Variants in DENND6A observed in about 807,000 individuals in gnomAD.
DENND6A encodes the protein protein DENND6A.
DENND6A carries 43 observed loss-of-function variants against 95.5 expected under a neutral mutation model. The ratio of observed to expected loss-of-function variants is 0.45; its 90% CI spans 0.35 to 0.58. The LOEUF (loss-of-function observed/expected upper bound fraction) is 0.58. Ranked by LOEUF, DENND6A falls within the 20% of genes least tolerant of loss-of-function variation. DENND6A has a pLI of 0.00. For synonymous variants in DENND6A, 257 were observed against 260.4 expected (o/e 0.99, Z 0.13); for missense variants, 574 against 736.0 (o/e 0.78, Z 2.55).
chr3:57,629,271 C>G (rs1448852115), intron 18 of DENND6A, among the ~76,000 whole-genome samples: 1 of 152,132 alleles, frequency 6.6e-6, no homozygotes, highest in East Asian at 1.9e-4. Context: ...ACTGGATGTA[C>G]ACTTCGTGTT....
chr3:57,656,237 T>C (rs1459557452), intron 9 of DENND6A, among the ~76,000 whole-genome samples: 1 of 152,206 alleles, frequency 6.6e-6, no homozygotes, highest in Non-Finnish European at 1.5e-5. Flanking sequence ...CCCTATAGTT[T>C]TATCTTTTCC....
At position 57,627,958 on chromosome 3, in the gene DENND6A, C is replaced by T. The variant is rs2070568397; in HGVS notation, c.*256G>A. The T allele has an allele frequency of 2.7e-6, 1 of 365,776 alleles. No homozygotes were observed. The highest frequency in any genetic ancestry group is 2.1e-5 in the African/African-American group (1 of 48,482). 22.7% of individuals were successfully genotyped at this position (365,776 alleles called of 1,614,324 possible). ...GGCCCACAAGTCTCTCATAAGAGCA[C>T]TTTAGAACATGATTAAAAATATAGA... is the stretch of plus-strand genomic sequence containing the variant. On this transcript the variant is annotated 3_prime_UTR_variant, in exon 20 of 20. Coordinates refer to ENST00000311128, the MANE Select transcript of DENND6A (RefSeq NM_152678.3).
chr3:57,634,051 A>T (rs62258965), intron 14 of DENND6A, among the ~76,000 whole-genome samples: 24,625 of 152,116 alleles, frequency 0.16, 2,674 homozygotes, highest in East Asian at 0.48. Context: ...TTCTAGAAAG[A>T]CTGACACTCA....
At chr3:57,641,860 C>A in intron 11 of DENND6A, 113 bp from the exon 12 acceptor site, 1 of 745,510 alleles carries the variant, frequency 1.3e-6, no homozygotes, top group Non-Finnish European at 2.1e-6. Context: ...TTGATTTTTC[C>A]TTTATTCAAC....
chr3:57,631,067 A>T, intron 15 of DENND6A, 89 bp from the exon 16 acceptor site: 1 of 1,191,120 alleles, frequency 8.4e-7, no homozygotes, highest in Non-Finnish European at 1.2e-6. Flanking sequence ...TTAAGTTTTT[A>T]ATCATATGCC....
intron 15 of DENND6A, among the ~76,000 whole-genome samples, chr3:57,631,783 C>T (rs924455838): frequency 2.3e-5 from 3 of 131,680 alleles, no homozygotes; most frequent in African/African-American, 8.9e-5. Flanking sequence ...ACTGCAGTGG[C>T]GCTATCCCGG....
intron 1 of DENND6A, among the ~76,000 whole-genome samples, chr3:57,688,052 G>A (rs1033682644): frequency 1.3e-5 from 2 of 151,694 alleles, no homozygotes; most frequent in Admixed American, 1.3e-4. Flanking sequence ...CAGGACTACA[G>A]TGGTATGATC....
intron 11 of DENND6A, among the ~76,000 whole-genome samples, chr3:57,644,362 G>T (rs2071020161): frequency 6.6e-6 from 1 of 151,930 alleles, no homozygotes; most frequent in Non-Finnish European, 1.5e-5. Context: ...CTGGAGTCCA[G>T]TGGCACGATC....
intron 9 of DENND6A, among the ~76,000 whole-genome samples, chr3:57,653,744 TAAA>T (rs553856616): frequency 5.9e-5 from 5 of 84,708 alleles, no homozygotes; most frequent in African/African-American, 1.4e-4. Context: ...AGACTCCATC[TAAA>T]AAAAAAAAAA....
intron 4 of DENND6A, among the ~76,000 whole-genome samples, chr3:57,664,471 A>G (rs184989746): frequency 6.6e-6 from 1 of 152,334 alleles, no homozygotes; most frequent in East Asian, 1.9e-4. Context: ...GTGATGTGTT[A>G]GAGAAGATAA....
chr3:57,632,688 C>G (rs2070712227), intron 15 of DENND6A, among the ~76,000 whole-genome samples: 1 of 152,138 alleles, frequency 6.6e-6, no homozygotes, highest in Non-Finnish European at 1.5e-5. Flanking sequence ...GTTTCCAGAG[C>G]AGGGCCACAT....
At chr3:57,667,060 G>A (rs906162297) in intron 3 of DENND6A, among the ~76,000 whole-genome samples, 2 of 152,104 alleles carry the variant, frequency 1.3e-5, no homozygotes, top group Admixed American at 6.6e-5. Flanking sequence ...ACAGAGTCTC[G>A]CTCTGTTGCC....
intron 12 of DENND6A, among the ~76,000 whole-genome samples, chr3:57,636,757 G>C (rs1006639413): frequency 6.6e-6 from 1 of 151,742 alleles, no homozygotes; most frequent in Non-Finnish European, 1.5e-5. Context: ...GCCAACATGG[G>C]GAAGCCCTGT....
intron 4 of DENND6A, chr3:57,665,879 C>A: frequency 2.8e-6 from 1 of 358,610 alleles, no homozygotes. Flanking sequence ...AAGAAAATTA[C>A]CTCAACATTC....
chr3:57,658,872 C>T (rs1553741921), intron 8 of DENND6A, among the ~76,000 whole-genome samples: 1 of 152,092 alleles, frequency 6.6e-6, no homozygotes, highest in Non-Finnish European at 1.5e-5. Context: ...ATTCACTTTC[C>T]CCTTTTCCTC....
At chr3:57,688,742 C>T (rs543769242) in intron 1 of DENND6A, among the ~76,000 whole-genome samples, 1 of 152,022 alleles carries the variant, frequency 6.6e-6, no homozygotes, top group Non-Finnish European at 1.5e-5. Context: ...CCCACAGGTT[C>T]ATCCTTGCTT....
At chr3:57,641,821 A>G in intron 11 of DENND6A, 74 bp from the exon 12 acceptor site, 1 of 1,306,532 alleles carries the variant, frequency 7.7e-7, no homozygotes. Flanking sequence ...AGAATAGTTT[A>G]CTTTTTTTTT....
chr3:57,661,453 C>A lies in DENND6A; in HGVS notation c.612G>T (p.Leu204Phe). ...PEYFEKNEPY[L>F]EAACNDVDRW... ...GGTATATGTTAAACTTACCTGCTTC[C>A]AAATAAGGTTCATTCTTTTCAAAAT... Residue 204 changes from leucine to phenylalanine, a missense_variant, in exon 6 of 20, where the codon TTG becomes TTT. Around this residue, in one of 2 missense-constraint regions of DENND6A, gnomAD observed 452 missense variants for 630.9 expected, o/e 0.72. Coordinates refer to ENST00000311128, the MANE Select transcript of DENND6A (RefSeq NM_152678.3). 6.4e-7 allele frequency: 1 copy of A among 1,562,706 alleles called. No individual in the cohort carries two copies.
At chr3:57,665,154 A>G (rs2071507097) in intron 4 of DENND6A, among the ~76,000 whole-genome samples, 1 of 152,106 alleles carries the variant, frequency 6.6e-6, no homozygotes, top group East Asian at 1.9e-4. Flanking sequence ...TTGATGATGA[A>G]GTTCTTATTT....
Sources: allele counts gnomAD v4.1 joint callset (sites outside exome capture counted in the v4.1 genomes callset), GRCh38; gene constraint gnomAD v4.1.1; regional missense constraint gnomAD v4.1.1; transcripts MANE v1.5; gene names NCBI Gene and HGNC (gene_info 2026-07-23, HGNC 2026-07-21).